The following TMPRSS11A variants were observed in gnomAD, a reference collection of about 807,000 sequenced individuals.
The protein encoded by TMPRSS11A is transmembrane protease serine 11A.
TMPRSS11A carries 53 observed loss-of-function variants against 58.9 expected under a neutral mutation model. That is an observed-to-expected ratio of 0.90 (90% CI 0.72 to 1.13). The LOEUF is 1.13. Among genes scored for constraint, TMPRSS11A ranks in the 50% most tolerant of loss-of-function variants. TMPRSS11A has a pLI of 0.00. For missense variants in TMPRSS11A, 493 were observed against 499.3 expected, an observed-to-expected ratio of 0.99 and a Z score of 0.12; for synonymous variants, 167 against 169.8, an observed-to-expected ratio of 0.98 and a Z score of 0.13.
At chr4:67,917,871 G>C (rs1161526698) in intron 8 of TMPRSS11A, among the ~76,000 whole-genome samples, 3 of 152,168 alleles carry the variant, frequency 2.0e-5, no homozygotes, top group African/African-American at 7.2e-5. Flanking sequence ...GGAGGTGTCA[G>C]GCTTACAGCA....
intron 1 of TMPRSS11A, among the ~76,000 whole-genome samples, chr4:67,954,086 G>C (rs1721224536): frequency 1.3e-5 from 2 of 152,108 alleles, no homozygotes; most frequent in African/African-American, 4.8e-5. Context: ...TGAGTTCAAG[G>C]AACTCAGGGA....
In TMPRSS11A at chr4:67,961,376, A is replaced by G. The variant is rs77812922; in HGVS notation, c.11+2007T>C. Among the ~76,000 whole-genome samples, 972 of 152,082 alleles carry G rather than the reference A, an allele frequency of 6.4e-3. 12 individuals carry two copies. Among genetic ancestry groups the G allele is most frequent in the African/African-American group, 0.022 (913 of 41,414 alleles). On this transcript the variant is annotated intron_variant, in intron 1 of 9. Transcript: ENST00000508048. ...CTCCTGCAAATCTTCCAAATCCTAA[A>G]TTAATATTGCATGAATTTGGCTTAA...
Position 67,929,933 on chromosome 4 carries a change from T to C in TMPRSS11A, c.428A>G (p.Lys143Arg). 6.2e-7 allele frequency: 1 copy of C among 1,613,792 alleles called. No homozygotes were observed. The highest frequency in any genetic ancestry group is 8.5e-7 in the Non-Finnish European group (1 of 1,179,740). Residue 143 changes from lysine to arginine, a missense_variant, in exon 5 of 10, where the codon AAG becomes AGG. By Grantham distance (26) the Lys-to-Arg change is conservative. Coordinates refer to ENST00000508048, the MANE Select transcript of TMPRSS11A (RefSeq NM_001114387.2). Reference protein sequence around the residue: ...EKKIQSILNQKIRNLRALPIN... With the variant: ...EKKIQSILNQRIRNLRALPIN... ...TGGCAAGGCTCTTAAATTCCTTATCTTCTGATTTAAGATGCTTTGGATTTT... is the reference window on the plus strand; with the variant it reads ...TGGCAAGGCTCTTAAATTCCTTATCCTCTGATTTAAGATGCTTTGGATTTT...
At chr4:67,924,927 C>T (rs992563513) in intron 5 of TMPRSS11A, among the ~76,000 whole-genome samples, 1 of 150,846 alleles carries the variant, frequency 6.6e-6, no homozygotes, top group Non-Finnish European at 1.5e-5. Flanking sequence ...TCAGCCAGAA[C>T]AGATCTGCTT....
intron 1 of TMPRSS11A, among the ~76,000 whole-genome samples, chr4:67,960,594 A>T (rs1721398589): frequency 6.6e-6 from 1 of 152,218 alleles, no homozygotes; most frequent in Non-Finnish European, 1.5e-5. Flanking sequence ...TGAAAACTAA[A>T]CCAAAAAGTA....
chr4:67,930,782 T>C (rs556356970), intron 4 of TMPRSS11A, among the ~76,000 whole-genome samples: 2 of 132,288 alleles, frequency 1.5e-5, no homozygotes, highest in African/African-American at 5.6e-5. Flanking sequence ...ACCTTGAAAC[T>C]AATATATATT....
At chr4:67,955,145 C>T (rs1010180835) in intron 1 of TMPRSS11A, among the ~76,000 whole-genome samples, 1 of 151,956 alleles carries the variant, frequency 6.6e-6, no homozygotes, top group African/African-American at 2.4e-5. Context: ...TCAGGAAGTA[C>T]CAGAACATTA....
At chr4:67,917,302 A>T (rs1402829310) in intron 8 of TMPRSS11A, among the ~76,000 whole-genome samples, 1 of 151,974 alleles carries the variant, frequency 6.6e-6, no homozygotes, top group Non-Finnish European at 1.5e-5. Context: ...ATATATTTAT[A>T]TATTTTTGTT....
Position 67,929,987 on chromosome 4 carries a change from G to A in TMPRSS11A, c.374C>T (p.Ser125Phe), listed in dbSNP as rs1234741191. The A allele has an allele frequency of 2.5e-6, 4 of 1,613,626 alleles. No individual in the cohort carries two copies. Among genetic ancestry groups the A allele is most frequent in the Non-Finnish European group, 3.4e-6 (4 of 1,179,664 alleles). Reference sequence around the variant, plus strand: ...CTCTCTTACTGCCCTTTGTTCAGTAGAGGGGAACTGGAACACCATAATGAC... The same window carrying A: ...CTCTCTTACTGCCCTTTGTTCAGTAAAGGGGAACTGGAACACCATAATGAC... Reference protein sequence around the residue: ...VDVIMVFQFPSTEQRAVREKK... With the variant: ...VDVIMVFQFPFTEQRAVREKK... Residue 125 changes from serine to phenylalanine, a missense_variant, in exon 5 of 10, where the codon TCT becomes TTT. Coordinates refer to ENST00000508048, the MANE Select transcript of TMPRSS11A (RefSeq NM_001114387.2).
intron 7 of TMPRSS11A, among the ~76,000 whole-genome samples, chr4:67,920,893 C>A (rs963036566): frequency 2.6e-5 from 4 of 152,060 alleles, no homozygotes; most frequent in East Asian, 1.9e-4. Context: ...ATAAAAAGAA[C>A]AAAATCATGC....
intron 1 of TMPRSS11A, among the ~76,000 whole-genome samples, chr4:67,954,224 T>G (rs1379708674): frequency 6.6e-6 from 1 of 152,122 alleles, no homozygotes; most frequent in Non-Finnish European, 1.5e-5. Context: ...AGGGAAAAAT[T>G]AAAGCATAAC....
intron 4 of TMPRSS11A, among the ~76,000 whole-genome samples, chr4:67,931,473 G>A (rs1317417785): frequency 6.6e-6 from 1 of 152,058 alleles, no homozygotes; most frequent in African/African-American, 2.4e-5. Context: ...CAACTGATAT[G>A]AGTCTTCCCC....
chr4:67,943,433 A>C (rs541009877), intron 3 of TMPRSS11A, among the ~76,000 whole-genome samples: 1 of 152,320 alleles, frequency 6.6e-6, no homozygotes, highest in South Asian at 2.1e-4. Flanking sequence ...AACTAAGGCA[A>C]GTTAAGAGTT....
At chr4:67,939,178 C>T (rs1038663063) in intron 3 of TMPRSS11A, among the ~76,000 whole-genome samples, 5 of 149,036 alleles carry the variant, frequency 3.4e-5, no homozygotes, top group Non-Finnish European at 5.9e-5. Flanking sequence ...GTGTGTGTCG[C>T]TATTGAAAAT....
intron 9 of TMPRSS11A, 23 bp downstream of exon 9, chr4:67,914,565 A>G (rs1191295482): frequency 1.2e-6 from 2 of 1,609,526 alleles, no homozygotes; most frequent in Non-Finnish European, 1.7e-6. Context: ...AGTTAGTAAT[A>G]TAAAAAAATC....
intron 6 of TMPRSS11A, 83 bp from the exon 7 acceptor site, chr4:67,923,009 T>C (rs1665910314): frequency 7.4e-7 from 1 of 1,353,466 alleles, no homozygotes; most frequent in East Asian, 2.3e-5. Context: ...CCTGAAGACA[T>C]TTTCGTATAC....
chr4:67,915,947 G>T (rs1025465255), intron 8 of TMPRSS11A, among the ~76,000 whole-genome samples: 2 of 152,136 alleles, frequency 1.3e-5, no homozygotes, highest in African/African-American at 4.8e-5. Flanking sequence ...ACAAGAATAC[G>T]ATATATCATC....
chr4:67,911,396 G>C lies in TMPRSS11A; in HGVS notation c.1203C>G (p.Val401=). The change falls in exon 10 of 10, where the codon GTC becomes GTG. Residue 401 remains valine (V), a synonymous_variant. Coordinates refer to ENST00000508048, the MANE Select transcript of TMPRSS11A (RefSeq NM_001114387.2). ...TTCGGTAATAAGTCACTTGTGTGTA[G>C]ACTCCAGGCTTGTCCTTTTGACCAC... is the stretch of plus-strand genomic sequence containing the variant. ...DNCGQKDKPG[V]YTQVTYYRNW... The C allele has an allele frequency of 3.1e-6, 5 of 1,613,528 alleles. No individual in the cohort carries two copies. The highest frequency in any genetic ancestry group is 4.2e-6 in the Non-Finnish European group (5 of 1,179,586).
At chr4:67,945,781 T>C (rs1720989560) in intron 2 of TMPRSS11A, among the ~76,000 whole-genome samples, 2 of 152,138 alleles carry the variant, frequency 1.3e-5, no homozygotes. Flanking sequence ...TGTGAAAAAA[T>C]GTAAATGGCT....
Sources: allele counts gnomAD v4.1 joint callset (sites outside exome capture counted in the v4.1 genomes callset), GRCh38; gene constraint gnomAD v4.1.1; transcripts MANE v1.5; gene names NCBI Gene and HGNC (gene_info 2026-07-23, HGNC 2026-07-21).